The following GNG12 variants were observed in gnomAD, a reference collection of about 807,000 sequenced individuals.
GNG12 encodes the protein G protein subunit gamma 12.
For missense variants in GNG12, 69 were observed against 83.8 expected (o/e 0.82, Z 0.69); for synonymous variants, 28 against 29.7 (o/e 0.94, Z 0.19).
intron 2 of GNG12, among the ~76,000 whole-genome samples, chr1:67,737,044 T>C (rs765843442): frequency 3.6e-4 from 55 of 152,226 alleles, no homozygotes; most frequent in Non-Finnish European, 6.8e-4. Context: ...TTGTGGATAT[T>C]CAGATGTGTC....
At chr1:67,812,784 T>C (rs1254162711) in intron 1 of GNG12, among the ~76,000 whole-genome samples, 1 of 152,228 alleles carries the variant, frequency 6.6e-6, no homozygotes, top group East Asian at 1.9e-4. Context: ...TAAGTTACAG[T>C]AGTCATATTT....
chr1:67,710,553 C>T (rs1646289225), intron 2 of GNG12, among the ~76,000 whole-genome samples: 2 of 152,084 alleles, frequency 1.3e-5, no homozygotes, highest in South Asian at 4.1e-4. Flanking sequence ...GGCAAGCAGT[C>T]TACAGTCAGA....
At position 67,773,734 on chromosome 1, in the gene GNG12, GT is replaced by G. The variant is rs1646687772; in HGVS notation, c.-27+3723del. On this transcript the variant is annotated intron_variant, in intron 2 of 3. Coordinates refer to ENST00000370982, the MANE Select transcript of GNG12 (RefSeq NM_018841.6). ...AACATTCACAGAGCACTATCAGGAA[GT>G]TATTTTTCTTTTAGAACAGGGATGG... is the stretch of plus-strand genomic sequence containing the variant. Among the ~76,000 whole-genome samples, 9 of 152,314 alleles carry G rather than the reference GT, an allele frequency of 5.9e-5. No individual in the cohort carries two copies. In the South Asian group the frequency reaches 1.9e-3, roughly 32 times the overall value.
intron 2 of GNG12, among the ~76,000 whole-genome samples, chr1:67,713,662 GA>G (rs565320217): frequency 8.3e-5 from 12 of 145,116 alleles, no homozygotes; most frequent in South Asian, 7.3e-4. Flanking sequence ...CAGGTTAAAA[GA>G]AAAAAAAAAG....
chr1:67,703,913 T>G lies in GNG12; in HGVS notation c.*1538A>C, dbSNP rs931437687. The stretch of plus-strand genomic sequence containing the variant: ...AAAATCGTTGTAAATAATTACTTCC[T>G]GGGGTTGATTCCTTTTTGAGGGGAA... On this transcript the variant is annotated 3_prime_UTR_variant, in exon 4 of 4. Coordinates refer to ENST00000370982, the MANE Select transcript of GNG12 (RefSeq NM_018841.6). 6.6e-6 allele frequency: 1 copy of G among 152,252 alleles called. No homozygotes were observed. Among genetic ancestry groups the G allele is most frequent in the African/African-American group, 2.4e-5 (1 of 41,472 alleles). 9.4% of individuals were successfully genotyped at this position (152,252 alleles called of 1,614,324 possible).
chr1:67,756,567 T>G (rs1646569731), intron 2 of GNG12, among the ~76,000 whole-genome samples: 1 of 152,162 alleles, frequency 6.6e-6, no homozygotes, highest in African/African-American at 2.4e-5. Flanking sequence ...GGGTTTGACT[T>G]GGAGGCCACA....
intron 2 of GNG12, among the ~76,000 whole-genome samples, chr1:67,719,129 T>C (rs555185784): frequency 1.2e-3 from 189 of 152,258 alleles, no homozygotes; most frequent in Non-Finnish European, 2.2e-3. Flanking sequence ...TATACTGTCA[T>C]AGTATCAGGG....
At chr1:67,771,425 T>A (rs1414699744) in intron 2 of GNG12, among the ~76,000 whole-genome samples, 2 of 152,214 alleles carry the variant, frequency 1.3e-5, no homozygotes, top group Admixed American at 6.5e-5. Context: ...GGAACCTGTA[T>A]TCAACCTCAA....
intron 1 of GNG12, among the ~76,000 whole-genome samples, chr1:67,805,205 TTCTGTTA>T (rs1557623446): frequency 6.6e-6 from 1 of 152,176 alleles, no homozygotes; most frequent in Non-Finnish European, 1.5e-5. Context: ...TACAGAACAC[TTCTGTTA>T]TCCCACACTT....
At chr1:67,763,561 C>T (rs1362831350) in intron 2 of GNG12, among the ~76,000 whole-genome samples, 3 of 150,508 alleles carry the variant, frequency 2.0e-5, no homozygotes, top group Non-Finnish European at 2.9e-5. Flanking sequence ...GAGACAGGGT[C>T]TCACTCTGTC....
At chr1:67,818,366 G>A (rs886327861) in intron 1 of GNG12, among the ~76,000 whole-genome samples, 1 of 151,388 alleles carries the variant, frequency 6.6e-6, no homozygotes, top group Non-Finnish European at 1.5e-5. Flanking sequence ...GTGGGTGTGT[G>A]GGGACACAGA....
At chr1:67,820,675 T>C (rs1646979970) in intron 1 of GNG12, among the ~76,000 whole-genome samples, 1 of 152,220 alleles carries the variant, frequency 6.6e-6, no homozygotes, top group Admixed American at 6.5e-5. Flanking sequence ...CTACTGTGCC[T>C]ATAACCTTCC....
rs1646242641 is a variant in GNG12 at position 67,705,583 on chromosome 1, T to C, written c.94-7A>G. The C allele has an allele frequency of 1.2e-6, 2 of 1,600,042 alleles. No homozygotes were observed. The highest frequency in any genetic ancestry group is 2.2e-5 in the East Asian group (1 of 44,676). On this transcript the variant is annotated splice_polypyrimidine_tract_variant and splice_region_variant and intron_variant, in intron 3 of 3. Transcript: ENST00000370982. Reference sequence around the variant, plus strand: ...CCGCTGATGCCTTCGAAACCTGACATGGAGATAAATCAAACAAACAAGAAA... The same window carrying C: ...CCGCTGATGCCTTCGAAACCTGACACGGAGATAAATCAAACAAACAAGAAA...
intron 1 of GNG12, among the ~76,000 whole-genome samples, chr1:67,789,764 AG>A (rs773333624): frequency 6.6e-6 from 1 of 152,214 alleles, no homozygotes; most frequent in Non-Finnish European, 1.5e-5. Context: ...CCACTCTGCC[AG>A]ACCTTTGGTG....
intron 2 of GNG12, among the ~76,000 whole-genome samples, chr1:67,728,647 G>A (rs1268387258): frequency 3.9e-5 from 6 of 152,150 alleles, no homozygotes; most frequent in Non-Finnish European, 7.3e-5. Flanking sequence ...GAAGGGAGAC[G>A]GGTCAGCAGT....
chr1:67,833,182 A>G (rs947269496), intron 1 of GNG12, among the ~76,000 whole-genome samples, 162 bp downstream of exon 1: 4 of 134,004 alleles, frequency 3.0e-5, no homozygotes, highest in Admixed American at 2.9e-4. Context: ...CCAGCAGGAC[A>G]CTCTTCCCTC....
intron 2 of GNG12, among the ~76,000 whole-genome samples, chr1:67,776,055 AGTAAC>A: frequency 6.6e-6 from 1 of 152,068 alleles, no homozygotes; most frequent in East Asian, 1.9e-4. Flanking sequence ...GTTTTTGAGG[AGTAAC>A]GTCCTGAAAG....
At chr1:67,762,086 A>G (rs1646608877) in intron 2 of GNG12, among the ~76,000 whole-genome samples, 1 of 152,212 alleles carries the variant, frequency 6.6e-6, no homozygotes, top group Non-Finnish European at 1.5e-5. Flanking sequence ...TGTTTAGCCT[A>G]GAATGCTCTG....
intron 2 of GNG12, among the ~76,000 whole-genome samples, chr1:67,709,866 T>TTA (rs1209620776): frequency 1.6e-5 from 2 of 122,384 alleles, no homozygotes; most frequent in Non-Finnish European, 3.2e-5. Flanking sequence ...ATATATATAG[T>TTA]TATATATATA....
Sources: gnomAD v4.1 joint callset for allele counts (sites outside exome capture counted in the v4.1 genomes callset) on GRCh38, gnomAD v4.1.1 for gene constraint, MANE v1.5 for transcripts, NCBI Gene and HGNC (gene_info 2026-07-23, HGNC 2026-07-21) for gene names.